The following CFH variants were observed in gnomAD, a reference collection of about 807,000 sequenced individuals.
CFH encodes H factor 1 (complement).
CFH carries 53 observed loss-of-function variants against 147.3 expected under a neutral mutation model. That is an observed-to-expected ratio of 0.36 (90% CI 0.29 to 0.45). The LOEUF is 0.45. CFH is among the 20% of genes least tolerant of loss of function. CFH has a pLI of 1.00. For missense variants in CFH, 1,380 were observed against 1,498.0 expected, an observed-to-expected ratio of 0.92 and a Z score of 1.30; for synonymous variants, 536 against 489.4, an observed-to-expected ratio of 1.10 and a Z score of -1.26.
chr1:196,669,867 G>A (rs1347209079), intron 1 of CFH, among the ~76,000 whole-genome samples: 1 of 152,218 alleles, frequency 6.6e-6, no homozygotes, highest in East Asian at 1.9e-4. Flanking sequence ...TGCACCTTGT[G>A]CCTGGAAAAG....
At chr1:196,660,024 A>G (rs1666848647) in intron 1 of CFH, among the ~76,000 whole-genome samples, 1 of 152,176 alleles carries the variant, frequency 6.6e-6, no homozygotes. Flanking sequence ...AATTTTGTGA[A>G]GGAGGTAAAG....
In CFH at chr1:196,737,457, T is replaced by C. The variant is rs1669433132; in HGVS notation, c.2597-18T>C. 6.3e-7 allele frequency: 1 copy of C among 1,583,316 alleles called. No homozygotes were observed. The highest frequency in any genetic ancestry group is 1.7e-5 in the Admixed American group (1 of 59,486). On this transcript the variant is annotated intron_variant, in intron 16 of 21. Coordinates refer to ENST00000367429, the MANE Select transcript of CFH (RefSeq NM_000186.4). ...ATTTTATTTGTTTTTAACCCTTTGA[T>C]TTTCATTCTTCATTTAGAAAAAATT...
At chr1:196,717,273 G>T (rs777739592) in intron 11 of CFH, among the ~76,000 whole-genome samples, 9 of 152,016 alleles carry the variant, frequency 5.9e-5, no homozygotes, top group Non-Finnish European at 1.3e-4. Context: ...ACTCTTTCTT[G>T]TTGGTAAAAT....
At chr1:196,689,791 C>T (rs1250398903) in intron 8 of CFH, among the ~76,000 whole-genome samples, 177 bp downstream of exon 8, 2 of 152,000 alleles carry the variant, frequency 1.3e-5, no homozygotes, top group African/African-American at 4.8e-5. Flanking sequence ...TCTTGAAAAT[C>T]ACAGGAGAAA....
At position 196,671,744 on chromosome 1, in the gene CFH, A is replaced by T. The variant is rs566228127; in HGVS notation, c.59-1234A>T. Among the ~76,000 whole-genome samples, 195 of 145,696 alleles carry T rather than the reference A, an allele frequency of 1.3e-3. 1 individual carries two copies. Among genetic ancestry groups the T allele is most frequent in the Non-Finnish European group, 2.4e-3 (160 of 65,680 alleles). On this transcript the variant is annotated intron_variant, in intron 1 of 21. Coordinates refer to ENST00000367429, the MANE Select transcript of CFH (RefSeq NM_000186.4). ...TAGAAGAAGCCAACACATATATATT[A>T]TGTATGTGAGCATATGATATATATA...
chr1:196,670,116 T>C (rs1305665715), intron 1 of CFH, among the ~76,000 whole-genome samples: 1 of 152,192 alleles, frequency 6.6e-6, no homozygotes. Context: ...TTCATCCCAT[T>C]TGGGATGGGA....
chr1:196,700,101 A>G (rs796107248), intron 9 of CFH, among the ~76,000 whole-genome samples: 11 of 152,332 alleles, frequency 7.2e-5, no homozygotes, highest in African/African-American at 2.4e-4. Context: ...AACTCAACTT[A>G]GGGAAGAATG....
chr1:196,710,564 G>A (rs1190104728), intron 9 of CFH, among the ~76,000 whole-genome samples: 1 of 151,852 alleles, frequency 6.6e-6, no homozygotes, highest in Non-Finnish European at 1.5e-5. Context: ...CTTATCTTTT[G>A]AAGAATTGTT....
At position 196,726,857 on chromosome 1, in the gene CFH, A is replaced by C. The variant is rs140984162; in HGVS notation, c.2153A>C (p.Asn718Thr). The C allele has an allele frequency of 1.2e-6, 2 of 1,613,842 alleles. No homozygotes were observed. Among genetic ancestry groups the C allele is most frequent in the East Asian group, 4.5e-5 (2 of 44,844 alleles). The change falls in exon 14 of 22, where the codon AAT becomes ACT. Residue 718 changes from asparagine to threonine, a missense_variant. Physicochemically the swap from Asn to Thr is moderately conservative, Grantham distance 65. Around this residue, in one of 4 missense-constraint regions of CFH, gnomAD observed 830 missense variants for 821.4 expected, o/e 1.01. Transcript: ENST00000367429. ...TACTATGGAGATTCAGTGGAATTCA[A>C]TTGCTCAGAATCATTTACAATGATT... The part of the protein sequence containing the change: ...PYYYGDSVEF[N>T]CSESFTMIGH...
At position 196,745,807 on chromosome 1, in the gene CFH, T is replaced by C. The variant is rs1261724410; in HGVS notation, c.3311-10T>C. On this transcript the variant is annotated splice_polypyrimidine_tract_variant and intron_variant, in intron 20 of 21. Coordinates refer to ENST00000367429, the MANE Select transcript of CFH (RefSeq NM_000186.4). Reference sequence around the variant, plus strand: ...CACAACAAATCAAGTGATGAAATGATGTTTTTTAGATTCTACAGGAAAATG... The same window carrying C: ...CACAACAAATCAAGTGATGAAATGACGTTTTTTAGATTCTACAGGAAAATG... The C allele has an allele frequency of 8.7e-6, 14 of 1,614,036 alleles. No homozygotes were observed. The highest frequency in any genetic ancestry group is 4.0e-5 in the African/African-American group (3 of 75,050).
chr1:196,673,797 C>A, intron 2 of CFH, 60 bp from the exon 3 acceptor site: 1 of 1,047,038 alleles, frequency 9.6e-7, no homozygotes, highest in Admixed American at 1.7e-5. Context: ...TCCCCCACTC[C>A]TACATAAAAT....
intron 11 of CFH, among the ~76,000 whole-genome samples, chr1:196,718,844 G>T (rs1224781409): frequency 6.6e-6 from 1 of 151,976 alleles, no homozygotes; most frequent in East Asian, 1.9e-4. Flanking sequence ...AGGATCATTT[G>T]AACACATAAC....
chr1:196,740,468 C>T, intron 17 of CFH, 151 bp from the exon 18 acceptor site: 1 of 751,966 alleles, frequency 1.3e-6, no homozygotes. Flanking sequence ...CACCAGAAGG[C>T]TAGTTTTAGG....
intron 1 of CFH, among the ~76,000 whole-genome samples, chr1:196,662,948 A>T (rs895937279): frequency 6.6e-6 from 1 of 151,450 alleles, no homozygotes; most frequent in Non-Finnish European, 1.5e-5. Flanking sequence ...ATAGAATTCT[A>T]TATAGATAGT....
Position 196,726,916 on chromosome 1 carries a change from T to C in CFH, c.2212T>C (p.Trp738Arg). ...HRSITCIHGV[W>R]TQLPQCVAID... The stretch of plus-strand genomic sequence containing the variant: ...ATCAATTACGTGTATTCATGGAGTA[T>C]GGACCCAACTTCCCCAGTGTGTGGG... Residue 738 changes from tryptophan to arginine, a missense_variant, in exon 14 of 22, where the codon TGG (tryptophan) becomes CGG (arginine). Physicochemically the swap from Trp to Arg is moderately radical, Grantham distance 101. Around this residue, in one of 4 missense-constraint regions of CFH, gnomAD observed 830 missense variants for 821.4 expected, o/e 1.01. Coordinates refer to ENST00000367429, the MANE Select transcript of CFH (RefSeq NM_000186.4). 1.2e-6 allele frequency: 2 copies of C among 1,613,654 alleles called. No individual in the cohort carries two copies. Among genetic ancestry groups the C allele is most frequent in the Admixed American group, 1.7e-5 (1 of 59,992 alleles).
intron 17 of CFH, among the ~76,000 whole-genome samples, chr1:196,739,082 C>T (rs1159742744): frequency 1.3e-5 from 2 of 152,222 alleles, no homozygotes; most frequent in African/African-American, 2.4e-5. Flanking sequence ...CCCTTTTAGC[C>T]ACAGCTGGAG....
intron 3 of CFH, among the ~76,000 whole-genome samples, chr1:196,675,210 C>T (rs936302332): frequency 6.6e-6 from 1 of 152,118 alleles, no homozygotes; most frequent in African/African-American, 2.4e-5. Context: ...AATGATTGCA[C>T]ATTTTGCACA....
chr1:196,719,080 A>C (rs548446630), intron 11 of CFH, among the ~76,000 whole-genome samples: 59 of 152,206 alleles, frequency 3.9e-4, no homozygotes, highest in Non-Finnish European at 6.8e-4. Flanking sequence ...TATGTATCTC[A>C]GAGTTAAAAA....
chr1:196,669,323 G>T (rs1667197839), intron 1 of CFH, among the ~76,000 whole-genome samples: 1 of 152,322 alleles, frequency 6.6e-6, no homozygotes, highest in African/African-American at 2.4e-5. Context: ...AGAAATCTGT[G>T]TAAGGAATGA....
Sources: allele counts gnomAD v4.1 joint callset (sites outside exome capture counted in the v4.1 genomes callset), GRCh38; gene constraint gnomAD v4.1.1; regional missense constraint gnomAD v4.1.1; transcripts MANE v1.5; gene names NCBI Gene and HGNC (gene_info 2026-07-23, HGNC 2026-07-21).